CEP112: variants seen among roughly 807,000 people sequenced by gnomAD.
The protein encoded by CEP112 is centrosomal protein 112, also known as centrosomal protein of 112 kDa.
Under a neutral mutation model 153.0 loss-of-function variants are expected in CEP112, and 127 were observed. That is an observed-to-expected ratio of 0.83 (90% CI 0.72 to 0.96). The LOEUF (loss-of-function observed/expected upper bound fraction) is 0.96, where lower values mean the gene tolerates loss of function less well. Among genes scored for constraint, CEP112 ranks in the 40% least tolerant of loss-of-function variants. CEP112 has a pLI of 0.00. For synonymous variants in CEP112, 358 were observed against 374.4 expected, an observed-to-expected ratio of 0.96 and a Z score of 0.51; for missense variants, 1,089 against 1,101.2, an observed-to-expected ratio of 0.99 and a Z score of 0.16.
intron 4 of CEP112, among the ~76,000 whole-genome samples, chr17:66,164,599 T>G (rs1313780700): frequency 6.8e-6 from 1 of 146,846 alleles, no homozygotes; most frequent in Non-Finnish European, 1.5e-5. Context: ...AGCTCATGCC[T>G]GTAATCCCAG....
chr17:65,900,555 A>G (rs921581906), intron 20 of CEP112, among the ~76,000 whole-genome samples: 1 of 152,186 alleles, frequency 6.6e-6, no homozygotes, highest in Non-Finnish European at 1.5e-5. Flanking sequence ...CTCCACTTGT[A>G]TCGGCTTCCC....
rs555943582 is a variant in CEP112, at chr17:65,961,072, C to A, written c.1872+391G>T. Among the ~76,000 whole-genome samples the A allele has an allele frequency of 7.9e-5, 12 of 151,262 alleles. No homozygotes were observed. In the South Asian group the frequency reaches 2.3e-3, roughly 29 times the overall value. ...AGACAGCCTTTGTTCTTCACAACTG[C>A]CAGTTGAAAATAATTTGCTGTAGCT... On this transcript the variant is annotated intron_variant, in intron 18 of 26. Transcript: ENST00000535342.
chr17:65,757,872 G>A (rs572317687), intron 21 of CEP112, among the ~76,000 whole-genome samples: 1 of 152,236 alleles, frequency 6.6e-6, no homozygotes, highest in Non-Finnish European at 1.5e-5. Flanking sequence ...CCTGCTTAAA[G>A]GAAGGCTTAG....
intron 6 of CEP112, among the ~76,000 whole-genome samples, chr17:66,126,536 T>TA (rs1191684315): frequency 1.3e-5 from 2 of 151,688 alleles, no homozygotes; most frequent in African/African-American, 4.8e-5. Flanking sequence ...ACGAAATAGG[T>TA]AAAAAATATA....
intron 23 of CEP112, among the ~76,000 whole-genome samples, chr17:65,715,139 AAGTC>A: frequency 6.6e-6 from 1 of 152,252 alleles, no homozygotes; most frequent in East Asian, 1.9e-4. Context: ...AGAAGGGAAA[AAGTC>A]AGCTGACACT....
In CEP112 at chr17:66,174,390, C is replaced by A. The variant is rs1199190741; in HGVS notation, c.470+654G>T. 2.0e-5 allele frequency among the ~76,000 whole-genome samples: 3 copies of A among 152,130 alleles called. No homozygotes were observed. In the East Asian group the frequency reaches 5.8e-4, roughly 29 times the overall value. The stretch of plus-strand genomic sequence containing the variant: ...AGAAAGATTATACTGTTAACAGAAA[C>A]AGATTTCTAAAATTAAAATTACCAA... On this transcript the variant is annotated intron_variant, in intron 4 of 26. Coordinates refer to ENST00000535342, the MANE Select transcript of CEP112 (RefSeq NM_001199165.4).
At chr17:65,810,614 C>A (rs1159987759) in intron 21 of CEP112, among the ~76,000 whole-genome samples, 1 of 151,684 alleles carries the variant, frequency 6.6e-6, no homozygotes, top group Non-Finnish European at 1.5e-5. Flanking sequence ...CTGAGTGAAG[C>A]CACTGAGATG....
intron 23 of CEP112, among the ~76,000 whole-genome samples, chr17:65,707,490 C>T (rs2048975768): frequency 6.6e-6 from 1 of 152,158 alleles, no homozygotes; most frequent in East Asian, 1.9e-4. Flanking sequence ...TACAATTACA[C>T]TTAGAATAAT....
intron 21 of CEP112, among the ~76,000 whole-genome samples, chr17:65,831,298 CTGTAA>C (rs1338208718): frequency 1.3e-5 from 2 of 152,200 alleles, no homozygotes. Flanking sequence ...TGGCTCATGC[CTGTAA>C]TCCCAGCACT....
intron 4 of CEP112, among the ~76,000 whole-genome samples, chr17:66,151,216 G>T (rs185482953): frequency 1.6e-4 from 24 of 152,196 alleles, no homozygotes; most frequent in African/African-American, 4.8e-4. Context: ...TATTTAGTCT[G>T]TCATTTTGCT....
intron 17 of CEP112, among the ~76,000 whole-genome samples, chr17:65,970,876 T>C (rs1199864668): frequency 2.0e-5 from 1 of 50,070 alleles, no homozygotes; most frequent in African/African-American, 5.9e-5. Flanking sequence ...CTGCATCGCA[T>C]TACATGCATA....
intron 20 of CEP112, among the ~76,000 whole-genome samples, chr17:65,881,898 C>T (rs2059090144): frequency 6.6e-6 from 1 of 152,224 alleles, no homozygotes; most frequent in Non-Finnish European, 1.5e-5. Flanking sequence ...TGTAGGAATA[C>T]TACTGTTCCC....
At chr17:66,185,877 A>G (rs561605604) in intron 1 of CEP112, among the ~76,000 whole-genome samples, 2 of 152,296 alleles carry the variant, frequency 1.3e-5, no homozygotes, top group African/African-American at 4.8e-5. Flanking sequence ...CCACATTATC[A>G]AATGGTTTCC....
At chr17:66,117,503 C>T (rs1177023294) in intron 6 of CEP112, among the ~76,000 whole-genome samples, 1 of 152,032 alleles carries the variant, frequency 6.6e-6, no homozygotes, top group African/African-American at 2.4e-5. Flanking sequence ...AATTTAAATT[C>T]CCTCTATGCC....
chr17:66,184,024 G>A (rs1046110347), intron 1 of CEP112, among the ~76,000 whole-genome samples: 1 of 152,070 alleles, frequency 6.6e-6, no homozygotes, highest in Non-Finnish European at 1.5e-5. Context: ...CCAGGCAGGA[G>A]GAATGCTTGA....
chr17:65,731,257 G>A (rs1404464613), intron 23 of CEP112, among the ~76,000 whole-genome samples: 1 of 152,094 alleles, frequency 6.6e-6, no homozygotes, highest in African/African-American at 2.4e-5. Flanking sequence ...GTAATAAAGT[G>A]TATACCATGA....
At chr17:66,101,408 A>G (rs2068564045) in intron 6 of CEP112, among the ~76,000 whole-genome samples, 1 of 152,088 alleles carries the variant, frequency 6.6e-6, no homozygotes, top group Non-Finnish European at 1.5e-5. Flanking sequence ...CTATTAGAGC[A>G]TGAACATTTT....
intron 11 of CEP112, among the ~76,000 whole-genome samples, chr17:66,057,617 T>A (rs2066746544): frequency 6.6e-6 from 1 of 152,146 alleles, no homozygotes; most frequent in Non-Finnish European, 1.5e-5. Context: ...TATATCACCT[T>A]GTCCATGTAG....
At chr17:65,812,172 T>C (rs575614609) in intron 21 of CEP112, among the ~76,000 whole-genome samples, 1 of 151,896 alleles carries the variant, frequency 6.6e-6, no homozygotes, top group African/African-American at 2.4e-5. Flanking sequence ...CCTGGATAAT[T>C]TTTTGTATTT....
Sources: gnomAD v4.1 joint callset for allele counts (sites outside exome capture counted in the v4.1 genomes callset) on GRCh38, gnomAD v4.1.1 for gene constraint, MANE v1.5 for transcripts, NCBI Gene and HGNC (gene_info 2026-07-23, HGNC 2026-07-21) for gene names.